Variants in MYCN observed in about 807,000 individuals in gnomAD.
MYCN encodes MYCN proto-oncogene, bHLH transcription factor.
Under a neutral mutation model 28.1 loss-of-function variants are expected in MYCN, and 3 were observed. The observed-to-expected ratio is 0.11, with a 90% CI of 0.05 to 0.28. The LOEUF is 0.28. MYCN is among the 10% of genes least tolerant of loss of function. MYCN has a pLI of 1.00. For synonymous variants in MYCN, 326 were observed against 288.3 expected (o/e 1.13, Z -1.32); for missense variants, 572 against 651.4 (o/e 0.88, Z 1.33).
chr2:15,943,598 A>G (rs552652009), intron 2 of MYCN, among the ~76,000 whole-genome samples: 6 of 152,178 alleles, frequency 3.9e-5, no homozygotes, highest in Admixed American at 1.3e-4. Flanking sequence ...GTGCAACAGC[A>G]GTTGTGTACA....
Position 15,946,142 on chromosome 2 carries a change from AT to A in MYCN, c.*55del, listed in dbSNP as rs763183120. 574 of 1,555,786 alleles carry A rather than the reference AT, an allele frequency of 3.7e-4. No individual in the cohort carries two copies. Among genetic ancestry groups the A allele is most frequent in the Non-Finnish European group, 4.2e-4 (480 of 1,134,618 alleles). ...AGTCACTGCCACTTTGCACATTTTG[AT>A]TTTTTTTTTAAACAAACATTGTGTT... On this transcript the variant is annotated 3_prime_UTR_variant, in exon 3 of 3. Coordinates refer to ENST00000281043, the MANE Select transcript of MYCN (RefSeq NM_005378.6).
In MYCN at chr2:15,945,724, G is replaced by A. The variant is rs144648016; in HGVS notation, c.1022G>A (p.Ser341Asn). 1 of 1,614,106 alleles carries A rather than the reference G, an allele frequency of 6.2e-7. No individual in the cohort carries two copies. The change falls in exon 3 of 3, where the codon AGT (serine) becomes AAT (asparagine). Residue 341 changes from serine to asparagine, a missense_variant. Ser to Asn is a conservative substitution (Grantham distance 46, BLOSUM62 1). Around this residue, in one of 3 missense-constraint regions of MYCN, gnomAD observed 499 missense variants for 524.3 expected, o/e 0.95. Transcript: ENST00000281043. This position sits in a 1 kb window ranked among gnomAD's most constrained non-coding sequence, Gnocchi z 4.8. ...GCCGCCCCCTCTCCCTACGTGGAGA[G>A]TGAGGATGCACCCCCACAGAAGAAG... ...NYAAPSPYVE[S>N]EDAPPQKKIK...
rs984414161 is a variant in MYCN at position 15,946,294 on chromosome 2, T to C, written c.*197T>C. 5.1e-5 allele frequency: 38 copies of C among 740,314 alleles called. No homozygotes were observed. The African/African-American group carries it at 6.1e-4, about 12-fold the overall frequency. The allele number at this position is 740,314 out of a possible 1,614,324, so 45.9% of individuals were successfully genotyped here. A position where few individuals can be genotyped will look rare whatever the true frequency, so the allele number is the denominator to read the frequency against. ...AGAGCCTGCATCCCAGGATGCTGGG[T>C]GGCCCTGCAGCCTCCTCCACCTCAC... is the stretch of plus-strand genomic sequence containing the variant. On this transcript the variant is annotated 3_prime_UTR_variant, in exon 3 of 3. Coordinates refer to ENST00000281043, the MANE Select transcript of MYCN (RefSeq NM_005378.6).
rs1424495243 is a variant in MYCN at position 15,946,451 on chromosome 2, A to AT, written c.*355dup. The AT allele has an allele frequency of 2.3e-6, 1 of 426,372 alleles. No individual in the cohort carries two copies. Among genetic ancestry groups the AT allele is most frequent in the Non-Finnish European group, 4.4e-6 (1 of 228,608 alleles). 26.4% of individuals were successfully genotyped at this position (426,372 alleles called of 1,614,324 possible). On this transcript the variant is annotated 3_prime_UTR_variant, in exon 3 of 3. Coordinates refer to ENST00000281043, the MANE Select transcript of MYCN (RefSeq NM_005378.6). ...TAAAATGGTGCTTAAGTTCCAGCAGATGCCACATAAGGGGTTTGCCATTTG... is the reference window on the plus strand; with the variant it reads ...TAAAATGGTGCTTAAGTTCCAGCAGATTGCCACATAAGGGGTTTGCCATTTG...
Sources: allele counts gnomAD v4.1 joint callset (sites outside exome capture counted in the v4.1 genomes callset), GRCh38; gene constraint gnomAD v4.1.1; regional missense constraint gnomAD v4.1.1; non-coding constraint Gnocchi (gnomAD v3.1); transcripts MANE v1.5; gene names NCBI Gene and HGNC (gene_info 2026-07-23, HGNC 2026-07-21).